The following RSBN1 variants were observed in gnomAD, a reference collection of about 807,000 sequenced individuals.
RSBN1 encodes round spermatid basic protein 1.
In RSBN1, 23 loss-of-function variants were observed where a neutral mutation model predicts 74.8. The observed-to-expected ratio is 0.31, with a 90% CI of 0.22 to 0.44. RSBN1 has a LOEUF of 0.44. Among genes scored for constraint, RSBN1 ranks in the 20% least tolerant of loss-of-function variants. RSBN1 has a pLI of 1.00. For synonymous variants in RSBN1, 407 were observed against 379.6 expected, an observed-to-expected ratio of 1.07 and a Z score of -0.84; for missense variants, 808 against 1,020.9, an observed-to-expected ratio of 0.79 and a Z score of 2.84.
chr1:113,801,635 C>T (rs1660585882), intron 1 of RSBN1, among the ~76,000 whole-genome samples: 1 of 152,088 alleles, frequency 6.6e-6, no homozygotes, highest in Admixed American at 6.5e-5. Flanking sequence ...TTAGTATTTC[C>T]CCATAGTGCA....
intron 2 of RSBN1, among the ~76,000 whole-genome samples, chr1:113,787,520 T>C (rs537475689): frequency 6.6e-6 from 1 of 152,290 alleles, no homozygotes; most frequent in Non-Finnish European, 1.5e-5. Flanking sequence ...CCACTTACAT[T>C]CTACCTTCCT....
At chr1:113,798,643 T>TA (rs1044741900) in intron 1 of RSBN1, among the ~76,000 whole-genome samples, 4 of 152,122 alleles carry the variant, frequency 2.6e-5, no homozygotes, top group Non-Finnish European at 4.4e-5. Context: ...TTAAAAGTCT[T>TA]AAAAAATATT....
At chr1:113,811,388 C>T (rs963535480) in intron 1 of RSBN1, among the ~76,000 whole-genome samples, 6 of 152,258 alleles carry the variant, frequency 3.9e-5, no homozygotes, top group Non-Finnish European at 8.8e-5. Context: ...CATGCCTTTT[C>T]TTTGGAAAGG....
At chr1:113,799,454 A>G (rs1009832798) in intron 1 of RSBN1, among the ~76,000 whole-genome samples, 1 of 152,120 alleles carries the variant, frequency 6.6e-6, no homozygotes, top group Non-Finnish European at 1.5e-5. Context: ...ATTAAGAGTG[A>G]TTCCTAAAGA....
At chr1:113,771,355 G>C (rs1032208022) in intron 4 of RSBN1, among the ~76,000 whole-genome samples, 2 of 152,016 alleles carry the variant, frequency 1.3e-5, no homozygotes, top group African/African-American at 4.8e-5. Flanking sequence ...ACTATTCCTT[G>C]AGAATGTGTT....
chr1:113,808,920 A>G (rs961490812), intron 1 of RSBN1, among the ~76,000 whole-genome samples: 1 of 152,168 alleles, frequency 6.6e-6, no homozygotes. Context: ...CTACATATAC[A>G]TTGTACCAAT....
intron 4 of RSBN1, among the ~76,000 whole-genome samples, chr1:113,773,111 A>G (rs987200752): frequency 1.3e-5 from 2 of 152,206 alleles, no homozygotes; most frequent in African/African-American, 2.4e-5. Flanking sequence ...CTTAATAGTC[A>G]TAATATATAT....
At chr1:113,810,687 T>C (rs879362655) in intron 1 of RSBN1, among the ~76,000 whole-genome samples, 4 of 152,172 alleles carry the variant, frequency 2.6e-5, no homozygotes, top group Non-Finnish European at 4.4e-5. Flanking sequence ...CACAAAACTT[T>C]AGGTTGAAAG....
chr1:113,772,639 T>G (rs1466484329), intron 4 of RSBN1, among the ~76,000 whole-genome samples: 1 of 152,206 alleles, frequency 6.6e-6, no homozygotes, highest in African/African-American at 2.4e-5. Flanking sequence ...CTCACATTTT[T>G]ATTCCACCAT....
At position 113,812,310 on chromosome 1, in the gene RSBN1, C is replaced by G. The variant is rs139244607; in HGVS notation, c.103G>C (p.Gly35Arg). Reference sequence around the variant, plus strand: ...CATTTAAATGGCCCGACCGCCCCCCCGTCCGCGCATCGCGCAAGCGCCGCC... The same window carrying G: ...CATTTAAATGGCCCGACCGCCCCCCGGTCCGCGCATCGCGCAAGCGCCGCC... ...ARAALARCAD[G>R]GAVGPFKCVF... is the part of the protein sequence containing the mutation. Residue 35 changes from glycine (G) to arginine (R), a missense_variant, in exon 1 of 7, where the codon GGG (glycine) becomes CGG (arginine). By Grantham distance (125) the Gly-to-Arg change is moderately radical (BLOSUM62 -2). This residue lies in a region of RSBN1 where 464 missense variants were observed against 401.0 expected (regional missense o/e 1.16). Transcript: ENST00000261441. The G allele has an allele frequency of 6.3e-4, 1,011 of 1,604,128 alleles. 1 individual carries two copies. Among genetic ancestry groups the G allele is most frequent in the Non-Finnish European group, 8.1e-4 (956 of 1,179,810 alleles).
chr1:113,794,237 T>C (rs757258571), intron 2 of RSBN1, among the ~76,000 whole-genome samples: 2 of 152,212 alleles, frequency 1.3e-5, no homozygotes, highest in Non-Finnish European at 2.9e-5. Context: ...ACGTGGAGCA[T>C]TTATGACATG....
chr1:113,781,362 C>T (rs1660136750), intron 2 of RSBN1, among the ~76,000 whole-genome samples: 1 of 152,216 alleles, frequency 6.6e-6, no homozygotes, highest in Non-Finnish European at 1.5e-5. Flanking sequence ...AAACAAATCA[C>T]TGATGACCTC....
chr1:113,790,085 T>C (rs1350122103), intron 2 of RSBN1, among the ~76,000 whole-genome samples: 2 of 152,054 alleles, frequency 1.3e-5, no homozygotes, highest in Non-Finnish European at 2.9e-5. Flanking sequence ...GAAAAGTTTA[T>C]TTAGAGAAAA....
At chr1:113,805,819 T>C (rs1242206446) in intron 1 of RSBN1, among the ~76,000 whole-genome samples, 1 of 152,204 alleles carries the variant, frequency 6.6e-6, no homozygotes, top group Non-Finnish European at 1.5e-5. Context: ...ACATGTCTCT[T>C]AAGTGAACTC....
chr1:113,810,337 A>C (rs893794161), intron 1 of RSBN1, among the ~76,000 whole-genome samples: 1 of 151,922 alleles, frequency 6.6e-6, no homozygotes, highest in African/African-American at 2.4e-5. Context: ...CTACAATACA[A>C]ATTTAAGCCA....
At chr1:113,808,860 T>C (rs1660771648) in intron 1 of RSBN1, among the ~76,000 whole-genome samples, 1 of 152,210 alleles carries the variant, frequency 6.6e-6, no homozygotes, top group South Asian at 2.1e-4. Flanking sequence ...TTCTGTATCT[T>C]GATTGTAGTG....
intron 1 of RSBN1, among the ~76,000 whole-genome samples, chr1:113,799,565 T>TACACACAC (rs66958734): frequency 2.7e-3 from 385 of 142,088 alleles, no homozygotes; most frequent in Non-Finnish European, 4.4e-3. Context: ...ATAGATGCTT[T>TACACACAC]ACACACACAC....
intron 2 of RSBN1, among the ~76,000 whole-genome samples, chr1:113,789,646 C>A (rs1330283386): frequency 6.6e-6 from 1 of 152,102 alleles, no homozygotes; most frequent in Non-Finnish European, 1.5e-5. Flanking sequence ...TATCTGGGAT[C>A]CAAAACTGAC....
intron 5 of RSBN1, 191 bp downstream of exon 5, chr1:113,768,031 T>A (rs1659816117): frequency 4.4e-6 from 2 of 450,536 alleles, no homozygotes; most frequent in African/African-American, 4.0e-5. Flanking sequence ...GATGAAAAGG[T>A]TCTGGAGCTC....
Sources: allele counts gnomAD v4.1 joint callset (sites outside exome capture counted in the v4.1 genomes callset), GRCh38; gene constraint gnomAD v4.1.1; regional missense constraint gnomAD v4.1.1; transcripts MANE v1.5; gene names NCBI Gene and HGNC (gene_info 2026-07-23, HGNC 2026-07-21).